GRIK2: variants seen among roughly 807,000 people sequenced by gnomAD.
GRIK2 encodes the protein glutamate ionotropic receptor kainate type subunit 2.
Under a neutral mutation model 100.3 loss-of-function variants are expected in GRIK2, and 32 were observed. That is an observed-to-expected ratio of 0.32 (90% CI 0.24 to 0.43). The LOEUF (loss-of-function observed/expected upper bound fraction) is 0.43. Among genes scored for constraint, GRIK2 ranks in the 20% least tolerant of loss-of-function variants. GRIK2 has a pLI of 1.00. For synonymous variants in GRIK2, 417 were observed against 389.4 expected (o/e 1.07, Z -0.83); for missense variants, 843 against 1,114.9 (o/e 0.76, Z 3.47).
intron 14 of GRIK2, among the ~76,000 whole-genome samples, chr6:102,010,419 T>C (rs1392037007): frequency 2.0e-5 from 3 of 151,508 alleles, no homozygotes; most frequent in Non-Finnish European, 2.9e-5. Flanking sequence ...AGTCTCACTC[T>C]GTCGCCCAGG....
chr6:101,561,385 G>C (rs577398711), intron 2 of GRIK2, among the ~76,000 whole-genome samples: 1 of 151,258 alleles, frequency 6.6e-6, no homozygotes, highest in African/African-American at 2.4e-5. Flanking sequence ...GAGGGGAAGA[G>C]AGAAGGGGGG....
At chr6:102,021,710 A>G (rs576510495) in intron 14 of GRIK2, among the ~76,000 whole-genome samples, 6 of 151,658 alleles carry the variant, frequency 4.0e-5, no homozygotes, top group Non-Finnish European at 7.4e-5. Context: ...TTATTTAACT[A>G]AATTCATCCA....
At chr6:102,060,690 TATAAG>T (rs1400575799) in intron 16 of GRIK2, among the ~76,000 whole-genome samples, 1 of 150,734 alleles carries the variant, frequency 6.6e-6, no homozygotes, top group African/African-American at 2.4e-5. Flanking sequence ...TTTTAGAAAC[TATAAG>T]ATATCTATAC....
intron 14 of GRIK2, among the ~76,000 whole-genome samples, chr6:101,991,536 TA>T (rs1794379075): frequency 6.6e-6 from 1 of 151,198 alleles, no homozygotes; most frequent in Non-Finnish European, 1.5e-5. Flanking sequence ...AATATAATAT[TA>T]AAAAGAAAAT....
intron 14 of GRIK2, among the ~76,000 whole-genome samples, chr6:101,996,925 T>C (rs1794682307): frequency 6.6e-6 from 1 of 152,148 alleles, no homozygotes; most frequent in Non-Finnish European, 1.5e-5. Context: ...TGGATGTAAC[T>C]CAATTAAAAA....
At chr6:101,926,195 G>GTTTTTTGTTTTTTTTT (rs1562491319) in intron 13 of GRIK2, among the ~76,000 whole-genome samples, 1 of 127,582 alleles carries the variant, frequency 7.8e-6, no homozygotes, top group Non-Finnish European at 1.6e-5. Context: ...GGGTCCAAGG[G>GTTTTTTGTTTTTTTTT]TTTTTTTTTT....
chr6:101,426,835 T>A (rs143935518), intron 2 of GRIK2, among the ~76,000 whole-genome samples: 11 of 152,332 alleles, frequency 7.2e-5, no homozygotes, highest in Non-Finnish European at 1.5e-4. Flanking sequence ...TTCAAACTGC[T>A]TGGCCTGGCA....
chr6:102,057,131 G>A (rs1235816638), intron 16 of GRIK2, among the ~76,000 whole-genome samples: 2 of 151,934 alleles, frequency 1.3e-5, no homozygotes, highest in African/African-American at 4.8e-5. Context: ...GTCAGTAAAT[G>A]TGGTATTTAA....
rs188754555 is a variant in GRIK2 at position 101,897,506 on chromosome 6, G to A, written c.1748+7643G>A. Among the ~76,000 whole-genome samples the A allele has an allele frequency of 7.3e-4, 111 of 151,694 alleles. 2 individuals are homozygous for A. Among genetic ancestry groups the A allele is most frequent in the African/African-American group, 2.7e-3 (110 of 41,452 alleles). Reference sequence around the variant, plus strand: ...TAGCCACTGGAAAAATGGTGCCCTTGGTCTTTTTGGAAGCTTTCTCAGTCA... The same window carrying A: ...TAGCCACTGGAAAAATGGTGCCCTTAGTCTTTTTGGAAGCTTTCTCAGTCA... On this transcript the variant is annotated intron_variant, in intron 12 of 16. Transcript: ENST00000369134.
intron 7 of GRIK2, among the ~76,000 whole-genome samples, chr6:101,713,020 AC>A (rs1227996260): frequency 1.3e-5 from 2 of 151,750 alleles, no homozygotes; most frequent in African/African-American, 2.4e-5. Flanking sequence ...TCAGAAAAAA[AC>A]TCTAATTTTT....
chr6:101,947,651 A>T (rs1026314304), intron 14 of GRIK2, among the ~76,000 whole-genome samples: 3 of 152,214 alleles, frequency 2.0e-5, no homozygotes, highest in African/African-American at 7.2e-5. Flanking sequence ...TTGTTAAAAC[A>T]TGCATATAAT....
At chr6:101,513,271 C>A (rs1774412097) in intron 2 of GRIK2, among the ~76,000 whole-genome samples, 1 of 152,078 alleles carries the variant, frequency 6.6e-6, no homozygotes, top group South Asian at 2.1e-4. Flanking sequence ...TTCTGTTTGA[C>A]AATTGGTTGA....
intron 8 of GRIK2, among the ~76,000 whole-genome samples, chr6:101,800,083 G>A (rs1780578460): frequency 1.3e-5 from 2 of 151,790 alleles, no homozygotes; most frequent in South Asian, 2.1e-4. Flanking sequence ...TATATTTTAG[G>A]CAACAAAATA....
At chr6:101,522,357 ATT>A (rs1774922605) in intron 2 of GRIK2, among the ~76,000 whole-genome samples, 1 of 152,114 alleles carries the variant, frequency 6.6e-6, no homozygotes, top group Admixed American at 6.6e-5. Context: ...GTTATGATGC[ATT>A]AAAACAAAAA....
intron 7 of GRIK2, among the ~76,000 whole-genome samples, chr6:101,731,965 G>A (rs1583038415): frequency 6.6e-6 from 1 of 151,956 alleles, no homozygotes; most frequent in Admixed American, 6.6e-5. Flanking sequence ...CAAAAACCTA[G>A]AGAACCATAA....
chr6:101,949,571 A>G lies in GRIK2; in HGVS notation c.2085+20939A>G, dbSNP rs1355511234. Among the ~76,000 whole-genome samples, 4 of 151,878 alleles carry G rather than the reference A, an allele frequency of 2.6e-5. No individual in the cohort carries two copies. The East Asian group carries it at 7.8e-4, about 29-fold the overall frequency. ...CCCTGCCCTGTGTCCATGCGTTCTC[A>G]TTGTTCAACTCCCACTTATAAGTGA... On this transcript the variant is annotated intron_variant, in intron 14 of 16. Coordinates refer to ENST00000369134, the MANE Select transcript of GRIK2 (RefSeq NM_021956.5).
At chr6:101,856,577 C>A (rs1232521881) in intron 10 of GRIK2, among the ~76,000 whole-genome samples, 1 of 152,000 alleles carries the variant, frequency 6.6e-6, no homozygotes, top group African/African-American at 2.4e-5. Context: ...ATTTTAGGAA[C>A]ATAAACATTT....
intron 2 of GRIK2, among the ~76,000 whole-genome samples, chr6:101,605,950 A>G (rs1779420953): frequency 6.6e-6 from 1 of 152,040 alleles, no homozygotes; most frequent in Non-Finnish European, 1.5e-5. Context: ...CTCACTTCCT[A>G]TTCTTGGGTA....
intron 2 of GRIK2, among the ~76,000 whole-genome samples, chr6:101,414,145 T>A (rs1776004021): frequency 6.6e-6 from 1 of 152,202 alleles, no homozygotes; most frequent in Non-Finnish European, 1.5e-5. Context: ...TATTCTAACA[T>A]GAAGGGAGGC....
Sources: gnomAD v4.1 joint callset for allele counts (sites outside exome capture counted in the v4.1 genomes callset) on GRCh38, gnomAD v4.1.1 for gene constraint, MANE v1.5 for transcripts, NCBI Gene and HGNC (gene_info 2026-07-23, HGNC 2026-07-21) for gene names.